The following PHTF2 variants were observed in gnomAD, a reference collection of about 807,000 sequenced individuals.
PHTF2 encodes protein PHTF2.
In PHTF2, 60 loss-of-function variants were observed where a neutral mutation model predicts 101.2. That is an observed-to-expected ratio of 0.59 (90% CI 0.48 to 0.73). The LOEUF (loss-of-function observed/expected upper bound fraction) is 0.73, where lower values mean the gene tolerates loss of function less well. Among genes scored for constraint, PHTF2 ranks in the 30% least tolerant of loss-of-function variants. The pLI, the probability that PHTF2 is intolerant of heterozygous loss-of-function variation, is 0.00. For missense variants in PHTF2, 747 were observed against 908.7 expected (o/e 0.82, Z 2.29); for synonymous variants, 311 against 307.3 (o/e 1.01, Z -0.13).
At chr7:77,922,357 C>G (rs909705373) in intron 10 of PHTF2, among the ~76,000 whole-genome samples, 2 of 152,020 alleles carry the variant, frequency 1.3e-5, no homozygotes, top group Admixed American at 1.3e-4. Flanking sequence ...TGTTTCAAAT[C>G]CTTTTCTGAA....
At chr7:77,904,952 C>T (rs1801721786) in intron 7 of PHTF2, among the ~76,000 whole-genome samples, 2 of 152,158 alleles carry the variant, frequency 1.3e-5, no homozygotes, top group South Asian at 4.1e-4. Context: ...GAATGTGGCC[C>T]AACCCAGGTT....
chr7:77,851,389 G>A (rs1796747780), intron 2 of PHTF2, among the ~76,000 whole-genome samples: 1 of 151,990 alleles, frequency 6.6e-6, no homozygotes. Context: ...CAATTTATTG[G>A]CATATAGTTG....
At chr7:77,844,245 T>C (rs1796102428) in intron 2 of PHTF2, among the ~76,000 whole-genome samples, 1 of 152,166 alleles carries the variant, frequency 6.6e-6, no homozygotes, top group African/African-American at 2.4e-5. Flanking sequence ...CCTCCTGCCT[T>C]GGACTCCCGA....
chr7:77,837,906 T>A (rs1214951931), intron 1 of PHTF2, among the ~76,000 whole-genome samples: 1 of 152,194 alleles, frequency 6.6e-6, no homozygotes. Context: ...GTGTATGAAA[T>A]GTATATTATT....
chr7:77,809,086 G>C (rs1793212635), intron 1 of PHTF2, among the ~76,000 whole-genome samples: 1 of 152,062 alleles, frequency 6.6e-6, no homozygotes, highest in Non-Finnish European at 1.5e-5. Context: ...GCATTGTATA[G>C]CCAGAACCAG....
At chr7:77,947,479 C>T (rs1265252534) in intron 16 of PHTF2, among the ~76,000 whole-genome samples, 1 of 152,066 alleles carries the variant, frequency 6.6e-6, no homozygotes, top group Non-Finnish European at 1.5e-5. Context: ...AGGAGAACCA[C>T]TTGAACTCGG....
chr7:77,867,420 C>A (rs1043410597), intron 3 of PHTF2, among the ~76,000 whole-genome samples: 2 of 151,552 alleles, frequency 1.3e-5, no homozygotes, highest in Non-Finnish European at 2.9e-5. Context: ...TACTATTTAA[C>A]CTTGTACAGC....
intron 1 of PHTF2, among the ~76,000 whole-genome samples, chr7:77,833,226 T>G (rs1795202264): frequency 6.6e-6 from 1 of 152,190 alleles, no homozygotes; most frequent in South Asian, 2.1e-4. Flanking sequence ...CTTCCTTGTT[T>G]TAGAAAGAGA....
exon 20 of PHTF2, chr7:77,956,729 A>G (rs895916385): frequency 6.6e-6 from 1 of 152,616 alleles, no homozygotes; most frequent in Non-Finnish European, 1.5e-5. Context: ...ATATTTTGAG[A>G]AAAAAAGTAC....
chr7:77,826,743 G>A (rs1278332524), intron 1 of PHTF2, among the ~76,000 whole-genome samples: 1 of 152,198 alleles, frequency 6.6e-6, no homozygotes, highest in East Asian at 1.9e-4. Flanking sequence ...CAAAGAGGAT[G>A]ATGGAATAAT....
At chr7:77,899,527 C>T (rs950893568) in intron 5 of PHTF2, among the ~76,000 whole-genome samples, 6 of 152,032 alleles carry the variant, frequency 3.9e-5, no homozygotes, top group Non-Finnish European at 7.4e-5. Flanking sequence ...AACTTTTACC[C>T]TGTCTCCTTC....
intron 3 of PHTF2, among the ~76,000 whole-genome samples, chr7:77,871,283 G>A: frequency 6.6e-6 from 1 of 152,144 alleles, no homozygotes; most frequent in South Asian, 2.1e-4. Flanking sequence ...TGTATTCCAT[G>A]AATACTCTTC....
At chr7:77,820,672 T>C (rs985941852) in intron 1 of PHTF2, among the ~76,000 whole-genome samples, 1 of 152,186 alleles carries the variant, frequency 6.6e-6, no homozygotes, top group Non-Finnish European at 1.5e-5. Context: ...GCCACTGCAC[T>C]CATCCCAAGT....
intron 1 of PHTF2, among the ~76,000 whole-genome samples, chr7:77,799,212 C>T (rs1256850937): frequency 6.6e-6 from 1 of 152,206 alleles, no homozygotes; most frequent in East Asian, 1.9e-4. Context: ...GCTCAGCCGC[C>T]TTCCTCCCGA....
chr7:77,940,156 T>A (rs1805519925), exon 14 of PHTF2: 1 of 1,613,864 alleles, frequency 6.2e-7, no homozygotes, highest in Non-Finnish European at 8.5e-7. Context: ...CACAGCACAT[T>A]CTGCTTCAGA....
chr7:77,812,658 T>C (rs1375062055), intron 1 of PHTF2, among the ~76,000 whole-genome samples: 2 of 151,934 alleles, frequency 1.3e-5, no homozygotes, highest in African/African-American at 4.8e-5. Flanking sequence ...GGCACAATCT[T>C]GGCTCACTGC....
At chr7:77,842,725 G>A (rs1481328166) in intron 2 of PHTF2, among the ~76,000 whole-genome samples, 1 of 152,168 alleles carries the variant, frequency 6.6e-6, no homozygotes. Context: ...ATTTATGGGT[G>A]GGAGTCAGAG....
chr7:77,881,518 TTG>T (rs763348640), intron 3 of PHTF2, among the ~76,000 whole-genome samples: 13 of 73,360 alleles, frequency 1.8e-4, no homozygotes, highest in East Asian at 1.4e-3. Flanking sequence ...ATGGCTGGTT[TTG>T]TTTTTTTTTT....
chr7:77,832,485 T>C (rs1165689316), intron 1 of PHTF2, among the ~76,000 whole-genome samples: 1 of 152,240 alleles, frequency 6.6e-6, no homozygotes, highest in Non-Finnish European at 1.5e-5. Flanking sequence ...TCACAAATGA[T>C]GGTGGCCTTA....
Sources: gnomAD v4.1 joint callset for allele counts (sites outside exome capture counted in the v4.1 genomes callset) on GRCh38, gnomAD v4.1.1 for gene constraint, MANE v1.5 for transcripts, NCBI Gene and HGNC (gene_info 2026-07-23, HGNC 2026-07-21) for gene names.